ERC2: variants seen among roughly 807,000 people sequenced by gnomAD.
The protein encoded by ERC2 is ELKS/RAB6-interacting/CAST family member 2.
Under a neutral mutation model 114.8 loss-of-function variants are expected in ERC2, and 42 were observed. That is an observed-to-expected ratio of 0.37 (90% CI 0.29 to 0.47). The LOEUF is 0.47. Ranked by LOEUF, ERC2 falls within the 20% of genes least tolerant of loss-of-function variation. ERC2 has a pLI of 0.99. For missense variants in ERC2, 939 were observed against 1,150.7 expected (o/e 0.82, Z 2.66); for synonymous variants, 454 against 425.5 (o/e 1.07, Z -0.82).
At chr3:56,460,848 T>C (rs2063279179) in intron 1 of ERC2, among the ~76,000 whole-genome samples, 3 of 151,960 alleles carry the variant, frequency 2.0e-5, no homozygotes, top group Admixed American at 2.0e-4. Flanking sequence ...CGGCCTAGCG[T>C]GGTGGCTCAC....
chr3:55,524,374 C>T (rs948268467), intron 17 of ERC2, among the ~76,000 whole-genome samples: 1 of 152,172 alleles, frequency 6.6e-6, no homozygotes, highest in South Asian at 2.1e-4. Context: ...CCAAGCTTCC[C>T]CAAAACTGCA....
At chr3:56,239,321 A>C (rs1459241343) in intron 3 of ERC2, among the ~76,000 whole-genome samples, 2 of 152,088 alleles carry the variant, frequency 1.3e-5, no homozygotes, top group Non-Finnish European at 2.9e-5. Flanking sequence ...GTTTGCGACC[A>C]GCGTGGGCAA....
At chr3:55,736,542 T>C (rs1166652240) in intron 14 of ERC2, among the ~76,000 whole-genome samples, 1 of 152,194 alleles carries the variant, frequency 6.6e-6, no homozygotes, top group Non-Finnish European at 1.5e-5. Flanking sequence ...GCATCTTATT[T>C]ATTATTTGCT....
intron 3 of ERC2, among the ~76,000 whole-genome samples, chr3:56,292,006 T>G (rs1251164688): frequency 6.6e-6 from 1 of 152,184 alleles, no homozygotes; most frequent in Admixed American, 6.5e-5. Flanking sequence ...TAGAAGCACT[T>G]TTTATTTTCT....
At chr3:56,098,709 G>A (rs1026389909) in intron 6 of ERC2, among the ~76,000 whole-genome samples, 8 of 152,152 alleles carry the variant, frequency 5.3e-5, no homozygotes, top group African/African-American at 1.7e-4. Flanking sequence ...ATGTTAGGAA[G>A]GATCCTAAGG....
At chr3:56,033,078 AAG>A (rs1420099255) in intron 7 of ERC2, among the ~76,000 whole-genome samples, 5 of 144,948 alleles carry the variant, frequency 3.4e-5, no homozygotes, top group South Asian at 2.2e-4. Context: ...GAAAGAAAGA[AAG>A]AAAGAAAAGT....
At chr3:56,279,646 C>T (rs1468094310) in intron 3 of ERC2, among the ~76,000 whole-genome samples, 2 of 152,180 alleles carry the variant, frequency 1.3e-5, no homozygotes, top group Non-Finnish European at 2.9e-5. Context: ...AAGCCAGGCT[C>T]AAGACTTTGT....
chr3:56,222,169 C>T (rs763923998), intron 3 of ERC2, among the ~76,000 whole-genome samples: 8 of 152,138 alleles, frequency 5.3e-5, no homozygotes, highest in Non-Finnish European at 8.8e-5. Flanking sequence ...GAGGGTACTA[C>T]ATCCATGTGA....
chr3:56,153,242 A>T (rs930087588), intron 4 of ERC2, among the ~76,000 whole-genome samples: 2 of 151,972 alleles, frequency 1.3e-5, no homozygotes, highest in Non-Finnish European at 2.9e-5. Flanking sequence ...AGATCTCAAG[A>T]AGATCCATGG....
intron 2 of ERC2, among the ~76,000 whole-genome samples, chr3:56,401,138 TC>T (rs1395938493): frequency 3.9e-5 from 6 of 152,244 alleles, no homozygotes; most frequent in Non-Finnish European, 7.3e-5. Flanking sequence ...CGAATAATTT[TC>T]AATTAGGCCA....
intron 17 of ERC2, among the ~76,000 whole-genome samples, chr3:55,626,911 C>T (rs986236525): frequency 2.0e-5 from 3 of 152,234 alleles, no homozygotes; most frequent in African/African-American, 7.2e-5. Flanking sequence ...ACTCACTTCA[C>T]AGGACATTGT....
chr3:55,624,883 C>T (rs1286189819), intron 17 of ERC2, among the ~76,000 whole-genome samples: 2 of 152,260 alleles, frequency 1.3e-5, no homozygotes, highest in East Asian at 1.9e-4. Flanking sequence ...TGGCTGGTCC[C>T]TAGTTCCCTC....
intron 3 of ERC2, among the ~76,000 whole-genome samples, chr3:56,292,062 C>T (rs1322472388): frequency 1.3e-5 from 2 of 152,150 alleles, no homozygotes; most frequent in Non-Finnish European, 2.9e-5. Flanking sequence ...ACCAGTGCAA[C>T]AAGAGAAAAG....
At chr3:55,837,314 T>C (rs1336667417) in intron 14 of ERC2, among the ~76,000 whole-genome samples, 1 of 152,200 alleles carries the variant, frequency 6.6e-6, no homozygotes, top group Admixed American at 6.5e-5. Context: ...TGTATGTTTA[T>C]TGCAGCACTA....
At chr3:55,663,720 T>C (rs906869972) in intron 17 of ERC2, among the ~76,000 whole-genome samples, 1 of 152,214 alleles carries the variant, frequency 6.6e-6, no homozygotes, top group Non-Finnish European at 1.5e-5. Flanking sequence ...TTTAAAAAAA[T>C]CTTTTTTTAC....
intron 14 of ERC2, among the ~76,000 whole-genome samples, chr3:55,871,646 C>CA (rs1270306263): frequency 6.6e-6 from 1 of 152,106 alleles, no homozygotes; most frequent in Non-Finnish European, 1.5e-5. Context: ...AAAGAGATAA[C>CA]AAAACTCTAA....
chr3:56,180,030 G>A (rs1398437520), intron 3 of ERC2, among the ~76,000 whole-genome samples: 2 of 152,108 alleles, frequency 1.3e-5, no homozygotes, highest in Non-Finnish European at 2.9e-5. Context: ...AGCAGCAAAG[G>A]AGCCTGAGAA....
chr3:55,791,287 A>G (rs1156279435), intron 14 of ERC2, among the ~76,000 whole-genome samples: 1 of 152,218 alleles, frequency 6.6e-6, no homozygotes, highest in African/African-American at 2.4e-5. Context: ...AAAAGAAAAC[A>G]GAATGGAAAT....
chr3:55,603,354 C>T lies in ERC2; in HGVS notation c.*39+80440G>A, dbSNP rs558134049. Reference sequence around the variant, plus strand: ...TCCTAAATTTTTAAGAAGCCGCAGCCGGGTGCGGTGGCTCACGCCTGTAAT... The same window carrying T: ...TCCTAAATTTTTAAGAAGCCGCAGCTGGGTGCGGTGGCTCACGCCTGTAAT... On this transcript the variant is annotated intron_variant, in intron 17 of 17. Transcript: ENST00000288221. Among the ~76,000 whole-genome samples the T allele has an allele frequency of 4.6e-5, 7 of 152,260 alleles. No individual in the cohort carries two copies. In the South Asian group the frequency reaches 8.3e-4, roughly 18 times the overall value.
Sources: allele counts gnomAD v4.1 joint callset (sites outside exome capture counted in the v4.1 genomes callset), GRCh38; gene constraint gnomAD v4.1.1; transcripts MANE v1.5; gene names NCBI Gene and HGNC (gene_info 2026-07-23, HGNC 2026-07-21).